MOGAT1: variants seen among roughly 807,000 people sequenced by gnomAD.
The protein encoded by MOGAT1 is 2-acylglycerol O-acyltransferase 1.
MOGAT1 carries 32 observed loss-of-function variants against 31.4 expected under a neutral mutation model. The ratio of observed to expected loss-of-function variants is 1.02; its 90% confidence interval spans 0.77 to 1.37. The LOEUF is 1.37. MOGAT1 is among the 40% of genes most tolerant of loss of function. The pLI, the probability that MOGAT1 is intolerant of heterozygous loss-of-function variation, is 0.00. For missense variants in MOGAT1, 426 were observed against 402.0 expected (o/e 1.06, Z -0.51); for synonymous variants, 145 against 144.5 (o/e 1.00, Z -0.03).
rs372241238 is a variant in MOGAT1 at position 222,688,448 on chromosome 2, C to T, written c.199C>T (p.Arg67Ter). The change falls in exon 2 of 6, where the codon CGA becomes TGA. Residue 67 changes from arginine to a stop codon, truncating the protein, a stop_gained. Transcript: ENST00000446656. LOFTEE classifies it high-confidence loss of function. ...TTACTTTGACTGGCATACCCCAGAG[C>T]GAGGAGGCAGGAGATCCAGCTGGAT... ...WLYFDWHTPE[R>*]GGRRSSWIKN... 1.4e-5 allele frequency: 23 copies of T among 1,613,532 alleles called. No individual in the cohort carries two copies. The highest frequency in any genetic ancestry group is 6.7e-5 in the East Asian group (3 of 44,882).
At chr2:222,677,674 T>G (rs1280136639) in intron 1 of MOGAT1, 1 of 409,608 alleles carries the variant, frequency 2.4e-6, no homozygotes, top group Admixed American at 2.9e-5. Flanking sequence ...CAAAGGATTC[T>G]AGAAAATGAC....
At chr2:222,702,099 A>G (rs1406800225) in intron 5 of MOGAT1, among the ~76,000 whole-genome samples, 2 of 152,196 alleles carry the variant, frequency 1.3e-5, no homozygotes, top group African/African-American at 2.4e-5. Context: ...TCCCTGTGTA[A>G]GTAACTTGCC....
intron 5 of MOGAT1, among the ~76,000 whole-genome samples, chr2:222,700,980 G>A (rs1245597753): frequency 6.6e-6 from 1 of 152,130 alleles, no homozygotes; most frequent in Admixed American, 6.6e-5. Context: ...TTAAGTAAGC[G>A]CTACCTTACG....
At chr2:222,689,618 T>G in intron 3 of MOGAT1, 149 bp downstream of exon 3, 1 of 694,068 alleles carries the variant, frequency 1.4e-6, no homozygotes. Context: ...TCTGGGTGTT[T>G]CCTGCCCTCC....
chr2:222,709,854 T>C lies in MOGAT1; in HGVS notation c.972T>C (p.Tyr324=). 1 of 1,612,914 alleles carries C rather than the reference T, an allele frequency of 6.2e-7. No individual in the cohort carries two copies. Among genetic ancestry groups the C allele is most frequent in the Non-Finnish European group, 8.5e-7 (1 of 1,179,318 alleles). The part of the protein sequence containing the change: ...RKLFEEHKGK[Y]GIPEHETLVL... ...TGTTTGAGGAACACAAAGGAAAGTA[T>C]GGCATTCCAGAGCACGAGACTCTTG... Residue 324 remains tyrosine (Y), a synonymous_variant, in exon 6 of 6, where the codon TAT becomes TAC. Coordinates refer to ENST00000446656, the MANE Select transcript of MOGAT1 (RefSeq NM_058165.3).
rs1174986202 is a variant in MOGAT1 at position 222,709,823 on chromosome 2, G to C, written c.941G>C (p.Arg314Thr). 3 of 1,613,544 alleles carry C rather than the reference G, an allele frequency of 1.9e-6. No individual in the cohort carries two copies. In the South Asian group the frequency reaches 3.3e-5, roughly 18 times the overall value. The change falls in exon 6 of 6, where the codon AGG becomes ACG. Residue 314 changes from arginine (R) to threonine (T), a missense_variant. By Grantham distance (71) the Arg-to-Thr change is moderately conservative. Transcript: ENST00000446656. ...ELHQTYMEEL[R>T]KLFEEHKGKY... ...CATCAGACCTATATGGAGGAACTTA[G>C]GAAATTGTTTGAGGAACACAAAGGA...
chr2:222,679,644 A>T (rs911224728), intron 1 of MOGAT1, among the ~76,000 whole-genome samples: 1 of 152,250 alleles, frequency 6.6e-6, no homozygotes, highest in African/African-American at 2.4e-5. Context: ...AAGTTCCCTT[A>T]CTAATGTCCT....
At chr2:222,706,514 GCTCTCTGGAAGAA>G (rs939328456) in intron 5 of MOGAT1, among the ~76,000 whole-genome samples, 1 of 130,254 alleles carries the variant, frequency 7.7e-6, no homozygotes, top group Non-Finnish European at 1.7e-5. Context: ...GCATGCTTAA[GCTCTCTGGAAGAA>G]CCATCTGAAA....
chr2:222,677,701 T>A, intron 1 of MOGAT1: 1 of 423,230 alleles, frequency 2.4e-6, no homozygotes, highest in Non-Finnish European at 4.7e-6. Context: ...GCAGCCTTTC[T>A]TGTCTTTTTC....
At chr2:222,707,611 A>G (rs1170049271) in intron 5 of MOGAT1, among the ~76,000 whole-genome samples, 1 of 152,144 alleles carries the variant, frequency 6.6e-6, no homozygotes, top group African/African-American at 2.4e-5. Flanking sequence ...TTCCAGCCAC[A>G]ATTGACAGTG....
At chr2:222,708,216 T>C (rs1048406772) in intron 5 of MOGAT1, among the ~76,000 whole-genome samples, 1 of 152,176 alleles carries the variant, frequency 6.6e-6, no homozygotes, top group Non-Finnish European at 1.5e-5. Context: ...CCCGGGTAGC[T>C]GGGATTACAG....
chr2:222,708,969 G>A (rs180992570), intron 5 of MOGAT1, among the ~76,000 whole-genome samples: 15 of 152,224 alleles, frequency 9.9e-5, no homozygotes, highest in South Asian at 8.3e-4. Flanking sequence ...TGGAATCCAC[G>A]TCATTTATGT....
Position 222,689,416 on chromosome 2 carries a change from T to A in MOGAT1, c.425T>A (p.Val142Glu). 1.2e-6 allele frequency: 2 copies of A among 1,614,068 alleles called. No individual in the cohort carries two copies. The highest frequency in any genetic ancestry group is 1.7e-6 in the Non-Finnish European group (2 of 1,179,896). Residue 142 changes from valine to glutamate, a missense_variant, in exon 3 of 6, where the codon GTG (valine) becomes GAG (glutamate). Physicochemically the swap from Val to Glu is moderately radical, Grantham distance 121 (BLOSUM62 -2). Coordinates refer to ENST00000446656, the MANE Select transcript of MOGAT1 (RefSeq NM_058165.3). Reference sequence around the variant, plus strand: ...CCTGGCTTTACTTCATATCTTCACGTGCTGCCACTTTGGTTCTGGTGTCCT... The same window carrying A: ...CCTGGCTTTACTTCATATCTTCACGAGCTGCCACTTTGGTTCTGGTGTCCT... ...LFPGFTSYLHVLPLWFWCPVF... is the reference protein window; with the variant it reads ...LFPGFTSYLHELPLWFWCPVF...
In MOGAT1 at chr2:222,688,412, T is replaced by C; in HGVS notation, c.163T>C (p.Leu55=). ...HNYLFLYIPY[L]MWLYFDWHTP... The stretch of plus-strand genomic sequence containing the variant: ...CTATTTGTTCCTTTACATCCCTTAT[T>C]TGATGTGGCTTTACTTTGACTGGCA... The change falls in exon 2 of 6, where the codon TTG becomes CTG. Residue 55 remains leucine, a synonymous_variant. Transcript: ENST00000446656. 1 of 1,613,644 alleles carries C rather than the reference T, an allele frequency of 6.2e-7. No individual in the cohort carries two copies. The highest frequency in any genetic ancestry group is 1.1e-5 in the South Asian group (1 of 91,000).
intron 1 of MOGAT1, among the ~76,000 whole-genome samples, chr2:222,678,887 G>C (rs1692539201): frequency 6.6e-6 from 1 of 152,206 alleles, no homozygotes. Flanking sequence ...GTTGCAGTGA[G>C]CTGAGATCGT....
intron 5 of MOGAT1, among the ~76,000 whole-genome samples, chr2:222,705,250 C>A (rs537542450): frequency 2.9e-4 from 44 of 152,244 alleles, no homozygotes; most frequent in African/African-American, 8.9e-4. Flanking sequence ...TTTACTGCAA[C>A]CTGTTTTATC....
chr2:222,688,262 T>C (rs1372558670), intron 1 of MOGAT1, 82 bp from the exon 2 acceptor site: 9 of 1,039,952 alleles, frequency 8.7e-6, no homozygotes, highest in African/African-American at 3.2e-5. Flanking sequence ...ATATCTTATA[T>C]GTATTAATCC....
rs62186264 is a variant in MOGAT1 at position 222,676,168 on chromosome 2, A to G, written c.94+4289A>G. Among the ~76,000 whole-genome samples the G allele has an allele frequency of 1.3e-4, 19 of 149,966 alleles. 1 individual carries two copies. The highest frequency in any genetic ancestry group is 1.3e-3 in the Admixed American group (19 of 15,092). On this transcript the variant is annotated intron_variant, in intron 1 of 5. Coordinates refer to ENST00000446656, the MANE Select transcript of MOGAT1 (RefSeq NM_058165.3). Reference sequence around the variant, plus strand: ...TGATCTCCTTTTTTTTTTTTTTTAAATACAGACGGGGTCTCTCTATGTTGT... The same window carrying G: ...TGATCTCCTTTTTTTTTTTTTTTAAGTACAGACGGGGTCTCTCTATGTTGT...
intron 1 of MOGAT1, among the ~76,000 whole-genome samples, chr2:222,672,653 T>A (rs1480231379): frequency 6.6e-6 from 1 of 152,130 alleles, no homozygotes; most frequent in East Asian, 1.9e-4. Flanking sequence ...ACCCTTCTAT[T>A]GAAACATAAA....
Sources: allele counts gnomAD v4.1 joint callset (sites outside exome capture counted in the v4.1 genomes callset), GRCh38; gene constraint gnomAD v4.1.1; transcripts MANE v1.5; gene names NCBI Gene and HGNC (gene_info 2026-07-23, HGNC 2026-07-21).